Variants in KCNJ6 observed in about 807,000 individuals in gnomAD.
KCNJ6 encodes G protein-activated inward rectifier potassium channel 2.
Under a neutral mutation model 34.2 loss-of-function variants are expected in KCNJ6, and 9 were observed. The observed-to-expected ratio is 0.26, with a 90% CI of 0.16 to 0.46. The LOEUF (loss-of-function observed/expected upper bound fraction) is 0.46, where lower values mean the gene tolerates loss of function less well. KCNJ6 is among the 20% of genes least tolerant of loss of function. The pLI, the probability that KCNJ6 is intolerant of heterozygous loss-of-function variation, is 1.00. For missense variants in KCNJ6, 236 were observed against 531.3 expected (o/e 0.44, Z 5.46); for synonymous variants, 196 against 207.1 (o/e 0.95, Z 0.46).
intron 2 of KCNJ6, among the ~76,000 whole-genome samples, chr21:37,797,662 C>T (rs1202582631): frequency 1.3e-5 from 2 of 152,076 alleles, no homozygotes; most frequent in Non-Finnish European, 2.9e-5. Flanking sequence ...CAGATACTCA[C>T]TTTTCAACAT....
intron 1 of KCNJ6, among the ~76,000 whole-genome samples, chr21:37,883,525 G>C (rs960968058): frequency 6.6e-6 from 1 of 152,206 alleles, no homozygotes; most frequent in Non-Finnish European, 1.5e-5. Flanking sequence ...CAAGCACCTA[G>C]TGCCAGGTGG....
intron 3 of KCNJ6, among the ~76,000 whole-genome samples, chr21:37,647,214 A>T (rs1427649964): frequency 6.6e-6 from 1 of 152,182 alleles, no homozygotes; most frequent in Non-Finnish European, 1.5e-5. Flanking sequence ...TATAACTTGA[A>T]GGGGCTGACT....
At chr21:37,902,047 A>G (rs1362442919) in intron 1 of KCNJ6, among the ~76,000 whole-genome samples, 10 of 152,222 alleles carry the variant, frequency 6.6e-5, no homozygotes, top group African/African-American at 2.2e-4. Flanking sequence ...CATCCCATAG[A>G]ACCACATGAC....
intron 2 of KCNJ6, among the ~76,000 whole-genome samples, chr21:37,723,819 A>C (rs1166963037): frequency 6.6e-6 from 1 of 152,180 alleles, no homozygotes. Flanking sequence ...TACGTTCACT[A>C]AATGTGTGAC....
intron 3 of KCNJ6, among the ~76,000 whole-genome samples, chr21:37,626,799 T>C (rs572950542): frequency 6.6e-6 from 1 of 152,354 alleles, no homozygotes; most frequent in Admixed American, 6.5e-5. Flanking sequence ...GTTTTAACTC[T>C]TTTAAAATCA....
chr21:37,810,577 G>A (rs963936959), intron 2 of KCNJ6, among the ~76,000 whole-genome samples: 2 of 152,138 alleles, frequency 1.3e-5, no homozygotes, highest in Non-Finnish European at 2.9e-5. Flanking sequence ...CCATTTAACA[G>A]GACCATTTAA....
At chr21:37,706,430 G>A (rs1241315196) in intron 3 of KCNJ6, among the ~76,000 whole-genome samples, 4 of 152,174 alleles carry the variant, frequency 2.6e-5, no homozygotes, top group African/African-American at 9.7e-5. Context: ...CATATGACTT[G>A]CTATGACTAA....
chr21:37,689,617 C>G (rs1569445976), intron 3 of KCNJ6, among the ~76,000 whole-genome samples: 1 of 152,148 alleles, frequency 6.6e-6, no homozygotes, highest in Non-Finnish European at 1.5e-5. Context: ...CTCTTCCTTC[C>G]TCTCTCCATT....
At chr21:37,800,460 A>G (rs2055263635) in intron 2 of KCNJ6, among the ~76,000 whole-genome samples, 1 of 152,230 alleles carries the variant, frequency 6.6e-6, no homozygotes. Context: ...ATAATTTTGG[A>G]CGTAGTTCTA....
chr21:37,856,159 C>T (rs1026092349), intron 1 of KCNJ6, among the ~76,000 whole-genome samples: 3 of 152,170 alleles, frequency 2.0e-5, no homozygotes, highest in Non-Finnish European at 2.9e-5. Flanking sequence ...ACATCATTTC[C>T]GGAAGCTCTT....
intron 2 of KCNJ6, among the ~76,000 whole-genome samples, chr21:37,734,973 C>T (rs1014996581): frequency 6.6e-6 from 1 of 152,056 alleles, no homozygotes; most frequent in African/African-American, 2.4e-5. Context: ...TGGAGATGGG[C>T]ACACCCCCAC....
At chr21:37,660,895 A>G (rs2054485229) in intron 3 of KCNJ6, among the ~76,000 whole-genome samples, 1 of 152,206 alleles carries the variant, frequency 6.6e-6, no homozygotes, top group African/African-American at 2.4e-5. Flanking sequence ...TAAGGTTGAG[A>G]AAGTGAAAAT....
chr21:37,684,056 C>A (rs1195830713), intron 3 of KCNJ6, among the ~76,000 whole-genome samples: 1 of 152,226 alleles, frequency 6.6e-6, no homozygotes, highest in Non-Finnish European at 1.5e-5. Context: ...GATCAAACTG[C>A]CCTATAATTG....
intron 2 of KCNJ6, among the ~76,000 whole-genome samples, chr21:37,805,914 T>C (rs1167465134): frequency 6.6e-6 from 1 of 152,206 alleles, no homozygotes. Flanking sequence ...AGCGACAGCA[T>C]GACCCTGTTG....
chr21:37,668,389 C>T (rs745719433), intron 3 of KCNJ6, among the ~76,000 whole-genome samples: 6 of 152,122 alleles, frequency 3.9e-5, no homozygotes, highest in Non-Finnish European at 7.4e-5. Flanking sequence ...TTACAGATGC[C>T]CTCTCCTCCC....
chr21:37,667,186 T>TAAAAAAAAAAAAAAAAAAAAAA (rs1569441641), intron 3 of KCNJ6, among the ~76,000 whole-genome samples: 1 of 86,826 alleles, frequency 1.2e-5, no homozygotes, highest in Non-Finnish European at 2.2e-5. Flanking sequence ...AAAAAAAAAT[T>TAAAAAAAAAAAAAAAAAAAAAA]AAATGAGGCA....
intron 3 of KCNJ6, among the ~76,000 whole-genome samples, chr21:37,634,152 T>C (rs779509434): frequency 2.6e-5 from 4 of 152,192 alleles, no homozygotes; most frequent in South Asian, 2.1e-4. Context: ...CAGGTTGAAA[T>C]TGGATCCCCA....
intron 3 of KCNJ6, among the ~76,000 whole-genome samples, chr21:37,698,672 C>G (rs1442854737): frequency 4.0e-5 from 6 of 151,348 alleles, no homozygotes; most frequent in Non-Finnish European, 5.9e-5. Flanking sequence ...GCTGAGACCA[C>G]AAACGAGCGC....
intron 3 of KCNJ6, among the ~76,000 whole-genome samples, chr21:37,651,677 G>T (rs1162185681): frequency 6.6e-6 from 1 of 152,204 alleles, no homozygotes. Context: ...GAGCACCTGG[G>T]TGGACAGTGG....
Sources: gnomAD v4.1 joint callset for allele counts (sites outside exome capture counted in the v4.1 genomes callset) on GRCh38, gnomAD v4.1.1 for gene constraint, MANE v1.5 for transcripts, NCBI Gene and HGNC (gene_info 2026-07-23, HGNC 2026-07-21) for gene names.